Variants in EVL observed in about 807,000 individuals in gnomAD.
EVL encodes Enah/Vasp-like.
EVL carries 21 observed loss-of-function variants against 59.6 expected under a neutral mutation model. The observed-to-expected ratio is 0.35, with a 90% CI of 0.25 to 0.51. The LOEUF (loss-of-function observed/expected upper bound fraction) is 0.51, where lower values mean the gene tolerates loss of function less well. EVL is among the 20% of genes least tolerant of loss of function. EVL has a pLI of 0.97. For synonymous variants in EVL, 198 were observed against 203.5 expected, an observed-to-expected ratio of 0.97 and a Z score of 0.23; for missense variants, 462 against 546.6, an observed-to-expected ratio of 0.85 and a Z score of 1.54.
chr14:100,101,862 G>C (rs1886243821), intron 3 of EVL, among the ~76,000 whole-genome samples: 1 of 152,098 alleles, frequency 6.6e-6, no homozygotes. Flanking sequence ...TTGGGAGGAT[G>C]GAGTCTCGCT....
intron 1 of EVL, among the ~76,000 whole-genome samples, chr14:100,080,825 T>C (rs2062284413): frequency 6.6e-6 from 1 of 152,236 alleles, no homozygotes; most frequent in Middle Eastern, 3.2e-3. Flanking sequence ...ACTCCCCAAC[T>C]AATCAACAGA....
intron 1 of EVL, among the ~76,000 whole-genome samples, chr14:100,032,339 C>A (rs1381949788): frequency 6.6e-6 from 1 of 152,126 alleles, no homozygotes; most frequent in Non-Finnish European, 1.5e-5. Context: ...TGATAAAATT[C>A]TTGTTTGTTG....
intron 1 of EVL, among the ~76,000 whole-genome samples, chr14:100,056,897 T>A (rs1326746692): frequency 6.7e-6 from 1 of 149,304 alleles, no homozygotes. Flanking sequence ...CTGCCCACAA[T>A]TGATTATAAA....
At chr14:99,995,619 T>C (rs1197713702) in intron 1 of EVL, among the ~76,000 whole-genome samples, 1 of 152,204 alleles carries the variant, frequency 6.6e-6, no homozygotes, top group Non-Finnish European at 1.5e-5. Context: ...AGATTTAACT[T>C]GTGGTTTTGA....
At chr14:100,106,943 C>T in intron 3 of EVL, 1 of 398,702 alleles carries the variant, frequency 2.5e-6, no homozygotes, top group Non-Finnish European at 4.4e-6. Context: ...CCTCCAGTGC[C>T]TGGAAGTGTG....
chr14:99,977,651 G>C (rs1278973302), intron 1 of EVL, among the ~76,000 whole-genome samples: 1 of 152,066 alleles, frequency 6.6e-6, no homozygotes, highest in Admixed American at 6.5e-5. Flanking sequence ...GGCCAGGCTG[G>C]TCTCAGACTC....
Position 100,141,836 on chromosome 14 carries a change from C to T in EVL, c.1219+43C>T, listed in dbSNP as rs114685588. ...GGGGAGGGTGGCACCCAGGTGTGGC[C>T]GCAGGACAAGGGTCCCTGTCACCCA... On this transcript the variant is annotated intron_variant, in intron 13 of 13. Transcript: ENST00000392920. The T allele has an allele frequency of 4.8e-3, 7,651 of 1,595,084 alleles. 317 individuals are homozygous for T. In the African/African-American group the frequency reaches 0.088, roughly 18 times the overall value.
intron 8 of EVL, among the ~76,000 whole-genome samples, chr14:100,133,933 G>A (rs961774363): frequency 4.0e-5 from 6 of 151,870 alleles, no homozygotes; most frequent in Middle Eastern, 3.2e-3. Context: ...ACGAGACTCC[G>A]TCTCAAAAAC....
At chr14:100,137,168 G>T in intron 9 of EVL, 1 of 235,068 alleles carries the variant, frequency 4.3e-6, no homozygotes, top group Admixed American at 5.0e-5. Context: ...AGAGCCAGGC[G>T]CAGCATGGGA....
intron 1 of EVL, among the ~76,000 whole-genome samples, chr14:100,022,024 G>C (rs2061133452): frequency 6.6e-6 from 1 of 152,094 alleles, no homozygotes; most frequent in South Asian, 2.1e-4. Context: ...CAAGTCTCTT[G>C]ATCTTTCTTA....
chr14:100,079,916 G>A (rs1595144000), intron 1 of EVL, among the ~76,000 whole-genome samples: 2 of 152,160 alleles, frequency 1.3e-5, no homozygotes, highest in African/African-American at 2.4e-5. Flanking sequence ...CTCCTGAGTA[G>A]CTGGGACTAC....
intron 4 of EVL, among the ~76,000 whole-genome samples, chr14:100,124,925 C>T: frequency 6.6e-6 from 1 of 151,876 alleles, no homozygotes; most frequent in African/African-American, 2.4e-5. Flanking sequence ...AAGGCAGGAC[C>T]ACACACATAG....
chr14:100,060,304 G>A (rs1314761314), intron 1 of EVL, among the ~76,000 whole-genome samples: 10 of 151,808 alleles, frequency 6.6e-5, no homozygotes, highest in African/African-American at 1.2e-4. Context: ...GGTGGCGGGC[G>A]CCTGTAGTCC....
intron 3 of EVL, among the ~76,000 whole-genome samples, chr14:100,110,249 C>T (rs1275669562): frequency 2.0e-5 from 3 of 152,130 alleles, no homozygotes; most frequent in African/African-American, 7.2e-5. Flanking sequence ...TGGCGTGTGC[C>T]TGTGGTCCCA....
chr14:100,056,021 G>A (rs1040155640), intron 1 of EVL, among the ~76,000 whole-genome samples: 5 of 151,838 alleles, frequency 3.3e-5, no homozygotes, highest in Admixed American at 6.6e-5. Flanking sequence ...CATGTTGGCC[G>A]GGCTGGTCTC....
At chr14:100,097,443 A>T in intron 2 of EVL, 38 bp from the exon 3 acceptor site, 1 of 1,564,632 alleles carries the variant, frequency 6.4e-7, no homozygotes, top group Non-Finnish European at 8.7e-7. Flanking sequence ...CTTACATTTT[A>T]TTTATTTACA....
At chr14:100,103,610 G>A (rs114963364) in intron 3 of EVL, among the ~76,000 whole-genome samples, 8,221 of 151,974 alleles carry the variant, frequency 0.054, 773 homozygotes, top group African/African-American at 0.18. Flanking sequence ...GACTTCTGTG[G>A]CCCCCCATGC....
At chr14:100,110,625 G>A (rs1886908398) in intron 3 of EVL, among the ~76,000 whole-genome samples, 1 of 152,156 alleles carries the variant, frequency 6.6e-6, no homozygotes, top group Non-Finnish European at 1.5e-5. Flanking sequence ...AAGAGGCTCT[G>A]TCTGACCCTG....
intron 1 of EVL, among the ~76,000 whole-genome samples, chr14:100,001,068 A>G (rs1317896983): frequency 6.6e-6 from 1 of 152,172 alleles, no homozygotes; most frequent in Non-Finnish European, 1.5e-5. Context: ...GAAAAACAAC[A>G]ACAAACAAAA....
Sources: allele counts gnomAD v4.1 joint callset (sites outside exome capture counted in the v4.1 genomes callset), GRCh38; gene constraint gnomAD v4.1.1; transcripts MANE v1.5; gene names NCBI Gene and HGNC (gene_info 2026-07-23, HGNC 2026-07-21).